The following PARP8 variants were observed in gnomAD, a reference collection of about 807,000 sequenced individuals.
The protein encoded by PARP8 is protein mono-ADP-ribosyltransferase PARP8.
In PARP8, 51 loss-of-function variants were observed where a neutral mutation model predicts 124.1. That is an observed-to-expected ratio of 0.41 (90% CI 0.33 to 0.52). The LOEUF (loss-of-function observed/expected upper bound fraction) is 0.52, where lower values mean the gene tolerates loss of function less well. Ranked by LOEUF, PARP8 falls within the 20% of genes least tolerant of loss-of-function variation. The pLI is 0.21. For synonymous variants in PARP8, 391 were observed against 361.5 expected (o/e 1.08, Z -0.93); for missense variants, 860 against 1,018.9 (o/e 0.84, Z 2.12).
intron 15 of PARP8, among the ~76,000 whole-genome samples, chr5:50,820,054 G>A (rs1259463493): frequency 6.6e-6 from 1 of 152,058 alleles, no homozygotes; most frequent in African/African-American, 2.4e-5. Flanking sequence ...GTGTCTTGTG[G>A]ATATGCATGT....
At chr5:50,686,088 G>C (rs554507350) in intron 2 of PARP8, among the ~76,000 whole-genome samples, 1 of 152,168 alleles carries the variant, frequency 6.6e-6, no homozygotes, top group African/African-American at 2.4e-5. Context: ...CAAAAGTCCA[G>C]TCCAAAGTCT....
chr5:50,792,813 C>T (rs1428871005), intron 10 of PARP8, among the ~76,000 whole-genome samples: 1 of 151,880 alleles, frequency 6.6e-6, no homozygotes, highest in Non-Finnish European at 1.5e-5. Context: ...TAAAAGGGCC[C>T]CAAAATAATT....
chr5:50,750,219 C>A, intron 3 of PARP8, 31 bp downstream of exon 3: 1 of 1,525,660 alleles, frequency 6.6e-7, no homozygotes, highest in Non-Finnish European at 9.1e-7. Flanking sequence ...TACAGATATT[C>A]GTATCAGGGT....
rs57760494 is a variant in PARP8, at chr5:50,758,458, G to A, written c.185-1185G>A. Among the ~76,000 whole-genome samples the A allele has an allele frequency of 1.3e-4, 20 of 152,286 alleles. No homozygotes were observed. The East Asian group carries it at 3.7e-3, about 28-fold the overall frequency. Reference sequence around the variant, plus strand: ...TCACTCATTACTTGAGGCTAAGAATGCTACAGATGTTTCTTTGGAAATAAT... The same window carrying A: ...TCACTCATTACTTGAGGCTAAGAATACTACAGATGTTTCTTTGGAAATAAT... On this transcript the variant is annotated intron_variant, in intron 3 of 25. Transcript: ENST00000281631.
intron 20 of PARP8, 123 bp from the exon 21 acceptor site, chr5:50,828,189 C>T: frequency 8.7e-7 from 1 of 1,145,046 alleles, no homozygotes. Flanking sequence ...ATGTAGTCAA[C>T]TACATAATAC....
intron 2 of PARP8, among the ~76,000 whole-genome samples, chr5:50,719,774 A>G (rs1481989314): frequency 1.3e-5 from 2 of 152,096 alleles, no homozygotes; most frequent in African/African-American, 2.4e-5. Flanking sequence ...GTAGTTTAAA[A>G]GAATAAAGAG....
intron 2 of PARP8, among the ~76,000 whole-genome samples, chr5:50,699,147 C>G (rs1384689172): frequency 1.3e-5 from 2 of 152,138 alleles, no homozygotes; most frequent in African/African-American, 4.8e-5. Flanking sequence ...GGTCCTGTCT[C>G]TCTCACTCTC....
chr5:50,804,186 TC>T (rs1260051237), intron 14 of PARP8, among the ~76,000 whole-genome samples: 1 of 152,172 alleles, frequency 6.6e-6, no homozygotes, highest in Non-Finnish European at 1.5e-5. Flanking sequence ...ATCTGTTGCC[TC>T]ACACAACTAA....
intron 17 of PARP8, among the ~76,000 whole-genome samples, chr5:50,824,189 C>T (rs1321644211): frequency 6.6e-6 from 1 of 152,156 alleles, no homozygotes; most frequent in African/African-American, 2.4e-5. Context: ...AAGGTCTATA[C>T]CTAAGTCTGG....
chr5:50,825,519 G>T (rs987041157), intron 18 of PARP8, among the ~76,000 whole-genome samples: 1 of 152,140 alleles, frequency 6.6e-6, no homozygotes, highest in Non-Finnish European at 1.5e-5. Context: ...AATTCTAGAA[G>T]GAGGGCTAGA....
rs768516446 is a variant in PARP8 at position 50,667,151 on chromosome 5, A to C, written c.56A>C (p.Gln19Pro). 1.3e-6 allele frequency: 2 copies of C among 1,596,284 alleles called. No homozygotes were observed. The highest frequency in any genetic ancestry group is 1.7e-5 in the Admixed American group (1 of 59,996). Reference protein sequence around the residue: ...RIQKDIDVVIQKSRAEKDCLF... With the variant: ...RIQKDIDVVIPKSRAEKDCLF... The stretch of plus-strand genomic sequence containing the variant: ...CAGAAGGATATCGACGTCGTGATCC[A>C]GAAGTCCAGAGCTGAGAAGGACTGC... Residue 19 changes from glutamine to proline, a missense_variant, in exon 1 of 26, where the codon CAG (glutamine) becomes CCG (proline). Physicochemically the swap from Gln to Pro is moderately conservative, Grantham distance 76. Transcript: ENST00000281631.
intron 2 of PARP8, among the ~76,000 whole-genome samples, chr5:50,674,692 A>G (rs1750412749): frequency 6.6e-6 from 1 of 152,182 alleles, no homozygotes; most frequent in Admixed American, 6.5e-5. Flanking sequence ...CTGTTTGCTT[A>G]GTGACCACCC....
At chr5:50,754,148 T>TATATATATATATATATAA in intron 3 of PARP8, among the ~76,000 whole-genome samples, 1 of 22,424 alleles carries the variant, frequency 4.5e-5, no homozygotes, top group South Asian at 1.6e-3. Context: ...TATATATATA[T>TATATATATATATATATAA]ATACACACAC....
At chr5:50,759,152 C>T (rs994130407) in intron 3 of PARP8, among the ~76,000 whole-genome samples, 1 of 152,078 alleles carries the variant, frequency 6.6e-6, no homozygotes, top group African/African-American at 2.4e-5. Flanking sequence ...CTCCTGACCT[C>T]GAGTGACCCG....
chr5:50,778,203 T>C (rs770946836), intron 8 of PARP8, 74 bp downstream of exon 8: 56 of 1,178,734 alleles, frequency 4.8e-5, no homozygotes, highest in Non-Finnish European at 5.9e-5. Context: ...GGAAATTTAA[T>C]TTTCAGTTTT....
chr5:50,829,268 A>G (rs1378898501), intron 21 of PARP8, among the ~76,000 whole-genome samples: 1 of 152,174 alleles, frequency 6.6e-6, no homozygotes, highest in Non-Finnish European at 1.5e-5. Flanking sequence ...GCATAAGGAC[A>G]TAAGGAAATG....
At chr5:50,691,200 C>G (rs762357749) in intron 2 of PARP8, among the ~76,000 whole-genome samples, 1 of 152,170 alleles carries the variant, frequency 6.6e-6, no homozygotes, top group African/African-American at 2.4e-5. Flanking sequence ...AGTAAAACCT[C>G]TCTGGTTTCC....
intron 7 of PARP8, 85 bp downstream of exon 7, chr5:50,763,327 T>G (rs1463366556): frequency 6.4e-6 from 7 of 1,088,530 alleles, no homozygotes; most frequent in African/African-American, 1.6e-5. Flanking sequence ...AAGGAAAAAT[T>G]TGGGGTTTTA....
chr5:50,802,093 G>A (rs1336156029), intron 14 of PARP8, among the ~76,000 whole-genome samples: 1 of 152,048 alleles, frequency 6.6e-6, no homozygotes, highest in African/African-American at 2.4e-5. Context: ...TACTAATAAG[G>A]AAAGACTTCT....
Sources: allele counts gnomAD v4.1 joint callset (sites outside exome capture counted in the v4.1 genomes callset), GRCh38; gene constraint gnomAD v4.1.1; transcripts MANE v1.5; gene names NCBI Gene and HGNC (gene_info 2026-07-23, HGNC 2026-07-21).